SCHIP1: variants seen among roughly 807,000 people sequenced by gnomAD.
SCHIP1 encodes the protein schwannomin interacting protein 1, also known as schwannomin-interacting protein 1.
In SCHIP1, 8 loss-of-function variants were observed where a neutral mutation model predicts 29.7. That is an observed-to-expected ratio of 0.27 (90% CI 0.16 to 0.49). The LOEUF (loss-of-function observed/expected upper bound fraction) is 0.49. Among genes scored for constraint, SCHIP1 ranks in the 20% least tolerant of loss-of-function variants. SCHIP1 has a pLI of 0.99. For missense variants in SCHIP1, 193 were observed against 294.6 expected, an observed-to-expected ratio of 0.66 and a Z score of 2.52; for synonymous variants, 76 against 94.9, an observed-to-expected ratio of 0.80 and a Z score of 1.16.
chr3:159,706,171 TG>T, the SCHIP1 span, among the ~76,000 whole-genome samples: 1 of 152,216 alleles, frequency 6.6e-6, no homozygotes, highest in Non-Finnish European at 1.5e-5. Flanking sequence ...TCATGCCATC[TG>T]TGGTTTTTTT....
At chr3:159,535,052 G>C in the SCHIP1 span, among the ~76,000 whole-genome samples, 4 of 152,164 alleles carry the variant, frequency 2.6e-5, no homozygotes, top group African/African-American at 9.7e-5. Context: ...CCTCAACTGT[G>C]AAATGAGTAC....
At chr3:159,349,658 A>G in the SCHIP1 span, among the ~76,000 whole-genome samples, 2 of 152,160 alleles carry the variant, frequency 1.3e-5, no homozygotes, top group East Asian at 1.9e-4. Flanking sequence ...AATAGCTTCT[A>G]TCAAATACAG....
the SCHIP1 span, among the ~76,000 whole-genome samples, chr3:159,680,694 T>TAAAATATAC: frequency 1.0e-4 from 1 of 9,956 alleles, no homozygotes; most frequent in Non-Finnish European, 3.3e-4. Flanking sequence ...TATGTATATA[T>TAAAATATAC]ATAATATATA....
At chr3:159,431,806 TCA>T in the SCHIP1 span, among the ~76,000 whole-genome samples, 1 of 136,662 alleles carries the variant, frequency 7.3e-6, no homozygotes, top group Non-Finnish European at 1.5e-5. Flanking sequence ...AGATTCCATC[TCA>T]AAAAAAAAAA....
the SCHIP1 span, among the ~76,000 whole-genome samples, chr3:159,408,276 C>T: frequency 2.6e-5 from 4 of 151,556 alleles, no homozygotes; most frequent in Admixed American, 2.6e-4. Flanking sequence ...CCGGCCTGGG[C>T]AACAGAGCAA....
chr3:159,450,578 T>G, the SCHIP1 span, among the ~76,000 whole-genome samples: 1 of 152,100 alleles, frequency 6.6e-6, no homozygotes, highest in African/African-American at 2.4e-5. Context: ...AAACAGCCTC[T>G]CATAATTTCT....
At chr3:159,514,106 T>G in the SCHIP1 span, among the ~76,000 whole-genome samples, 8 of 152,178 alleles carry the variant, frequency 5.3e-5, no homozygotes, top group Non-Finnish European at 1.2e-4. Context: ...CAGCCCTTTT[T>G]TCCAGCCCAA....
At chr3:159,587,719 G>C in the SCHIP1 span, among the ~76,000 whole-genome samples, 1 of 152,130 alleles carries the variant, frequency 6.6e-6, no homozygotes, top group Non-Finnish European at 1.5e-5. Flanking sequence ...AACATGTGGT[G>C]TTTGGTTTTT....
chr3:159,892,113 G>T, exon 6 of SCHIP1: 1 of 1,612,686 alleles, frequency 6.2e-7, no homozygotes, highest in Non-Finnish European at 8.5e-7. Flanking sequence ...ATGAAGAGTT[G>T]GTCCAGCTGC....
the SCHIP1 span, among the ~76,000 whole-genome samples, chr3:159,557,027 G>A: frequency 5.7e-4 from 86 of 150,922 alleles, no homozygotes; most frequent in East Asian, 7.8e-3. Context: ...GCACGATCTC[G>A]GCTCACCACA....
chr3:159,507,585 A>G, the SCHIP1 span, among the ~76,000 whole-genome samples: 1 of 152,254 alleles, frequency 6.6e-6, no homozygotes, highest in South Asian at 2.1e-4. Context: ...CCCTTTCAGT[A>G]TGATATTGGC....
chr3:159,892,028 G>A, intron 5 of SCHIP1, 69 bp from the exon 7 acceptor site: 2 of 1,513,470 alleles, frequency 1.3e-6, no homozygotes, highest in South Asian at 1.3e-5. Flanking sequence ...TATACTGGTT[G>A]GTAACTAGTT....
At chr3:159,637,719 A>G in the SCHIP1 span, among the ~76,000 whole-genome samples, 1 of 152,200 alleles carries the variant, frequency 6.6e-6, no homozygotes, top group Non-Finnish European at 1.5e-5. Context: ...TTTCCTTTTG[A>G]GAGTTATCAT....
chr3:159,624,941 A>G, the SCHIP1 span, among the ~76,000 whole-genome samples: 374 of 152,312 alleles, frequency 2.5e-3, 2 homozygotes, highest in African/African-American at 8.3e-3. Context: ...CACTGAGATG[A>G]AAGTTTGCAA....
chr3:159,555,090 C>T, the SCHIP1 span, among the ~76,000 whole-genome samples: 1 of 152,134 alleles, frequency 6.6e-6, no homozygotes, highest in African/African-American at 2.4e-5. Flanking sequence ...TCTTTCCTTA[C>T]ACTTGCTTTA....
the SCHIP1 span, among the ~76,000 whole-genome samples, chr3:159,770,372 G>A: frequency 6.6e-6 from 1 of 152,146 alleles, no homozygotes; most frequent in African/African-American, 2.4e-5. Context: ...TGATTCTCCT[G>A]CCTCAGCCTC....
At chr3:159,544,110 T>G in the SCHIP1 span, among the ~76,000 whole-genome samples, 2 of 152,090 alleles carry the variant, frequency 1.3e-5, no homozygotes, top group African/African-American at 4.8e-5. Flanking sequence ...CTGACTTCTA[T>G]CACAATAGAT....
At chr3:159,789,958 G>A in the SCHIP1 span, among the ~76,000 whole-genome samples, 2 of 152,202 alleles carry the variant, frequency 1.3e-5, no homozygotes, top group African/African-American at 4.8e-5. Flanking sequence ...GTAATTGGAA[G>A]GAACTGGGGA....
chr3:159,405,896 G>C, the SCHIP1 span, among the ~76,000 whole-genome samples: 13 of 141,082 alleles, frequency 9.2e-5, no homozygotes, highest in Non-Finnish European at 1.7e-4. Context: ...AAAAAAAAAA[G>C]AAAAGAAAAG....
Sources: allele counts gnomAD v4.1 joint callset (sites outside exome capture counted in the v4.1 genomes callset), GRCh38; gene constraint gnomAD v4.1.1; transcripts MANE v1.5; gene names NCBI Gene and HGNC (gene_info 2026-07-23, HGNC 2026-07-21).